Variants in DLC1 observed in about 807,000 individuals in gnomAD.
DLC1 encodes the protein DLC1 Rho GTPase activating protein.
Under a neutral mutation model 140.3 loss-of-function variants are expected in DLC1, and 54 were observed. The ratio of observed to expected loss-of-function variants is 0.38; its 90% CI spans 0.31 to 0.48. DLC1 has a LOEUF of 0.48. Ranked by LOEUF, DLC1 falls within the 20% of genes least tolerant of loss-of-function variation. DLC1 has a pLI of 0.96. For missense variants in DLC1, 2,536 were observed against 1,907.0 expected, an observed-to-expected ratio of 1.33 and a Z score of -6.14; for synonymous variants, 986 against 728.1, an observed-to-expected ratio of 1.35 and a Z score of -5.70.
chr8:13,460,638 C>A (rs556881346), intron 2 of DLC1, among the ~76,000 whole-genome samples: 70 of 152,270 alleles, frequency 4.6e-4, no homozygotes, highest in Non-Finnish European at 8.8e-4. Context: ...AGGAGATACT[C>A]TGGGGGGAAA....
chr8:13,437,784 C>G (rs1230412014), intron 2 of DLC1, among the ~76,000 whole-genome samples: 2 of 152,102 alleles, frequency 1.3e-5, no homozygotes, highest in African/African-American at 4.8e-5. Flanking sequence ...CAAACACCAT[C>G]AGGTCATAAA....
intron 1 of DLC1, among the ~76,000 whole-genome samples, chr8:13,597,810 A>G (rs1805732667): frequency 6.6e-6 from 1 of 152,140 alleles, no homozygotes; most frequent in Admixed American, 6.6e-5. Flanking sequence ...AGGACTGAGT[A>G]ACAAACAAAC....
intron 5 of DLC1, among the ~76,000 whole-genome samples, chr8:13,252,176 T>C (rs921646860): frequency 6.6e-6 from 1 of 152,178 alleles, no homozygotes; most frequent in Non-Finnish European, 1.5e-5. Context: ...AAGTCCTTGA[T>C]TAAAAGTCCC....
chr8:13,230,518 G>A (rs1405799695), intron 5 of DLC1, among the ~76,000 whole-genome samples: 2 of 152,122 alleles, frequency 1.3e-5, no homozygotes, highest in Non-Finnish European at 2.9e-5. Context: ...GCATTTAGGG[G>A]AGAGAGGCTG....
intron 1 of DLC1, among the ~76,000 whole-genome samples, chr8:13,598,609 T>A (rs969280184): frequency 6.6e-6 from 1 of 152,246 alleles, no homozygotes; most frequent in South Asian, 2.1e-4. Flanking sequence ...TTTATTTCAA[T>A]CCATAAGCTG....
At chr8:13,397,708 C>T (rs1056360629) in intron 3 of DLC1, among the ~76,000 whole-genome samples, 1 of 151,456 alleles carries the variant, frequency 6.6e-6, no homozygotes. Context: ...TGGTAATGTG[C>T]GCTTGTATTC....
chr8:13,504,350 C>G (rs13258917), intron 1 of DLC1, among the ~76,000 whole-genome samples: 71,763 of 152,052 alleles, frequency 0.47, 18,026 homozygotes, highest in Non-Finnish European at 0.57. Flanking sequence ...ATCTCAAACT[C>G]CTGACCTCAG....
At chr8:13,521,461 G>GCTT (rs1563418024) in intron 1 of DLC1, among the ~76,000 whole-genome samples, 2 of 151,778 alleles carry the variant, frequency 1.3e-5, no homozygotes, top group Admixed American at 6.6e-5. Flanking sequence ...ACAGTCTTCA[G>GCTT]CTTCTCTTAT....
rs529668606 is a variant in DLC1 at position 13,590,873 on chromosome 8, A to G, written c.-126+13664T>C. 3.3e-5 allele frequency among the ~76,000 whole-genome samples: 5 copies of G among 152,268 alleles called. No homozygotes were observed. The East Asian group carries it at 7.7e-4, about 24-fold the overall frequency. On this transcript the variant is annotated intron_variant, in intron 1 of 1. Transcript: ENST00000631382. ...TTACAACTTAAGCACAAATACAAAT[A>G]TGTTTACCTTTCTTTTTCTAAAAGC...
At chr8:13,170,965 G>T (rs1825435583) in intron 5 of DLC1, among the ~76,000 whole-genome samples, 1 of 152,192 alleles carries the variant, frequency 6.6e-6, no homozygotes, top group African/African-American at 2.4e-5. Flanking sequence ...CTTTGCGACT[G>T]AGGGTCACCA....
intron 5 of DLC1, among the ~76,000 whole-genome samples, chr8:13,222,788 G>A (rs191006321): frequency 1.1e-4 from 16 of 152,256 alleles, no homozygotes; most frequent in Admixed American, 2.0e-4. Flanking sequence ...CTGTCACCCA[G>A]GGTGGAGTGC....
At chr8:13,292,168 C>A (rs182264553) in intron 5 of DLC1, among the ~76,000 whole-genome samples, 32 of 152,024 alleles carry the variant, frequency 2.1e-4, no homozygotes, top group Admixed American at 2.0e-3. Flanking sequence ...TGTTGGAATG[C>A]CTGAAGGAGT....
intron 1 of DLC1, among the ~76,000 whole-genome samples, chr8:13,541,396 A>C (rs1803479725): frequency 6.6e-6 from 1 of 152,196 alleles, no homozygotes; most frequent in Non-Finnish European, 1.5e-5. Flanking sequence ...ATGTGGCTGA[A>C]CTATTTTTCA....
Position 13,567,260 on chromosome 8 carries a change from A to G in DLC1, c.-126+37277T>C, listed in dbSNP as rs549696960. On this transcript the variant is annotated intron_variant, in intron 1 of 1. Transcript: ENST00000631382. ...AAGTTGAGTAAAAAATGGATCAACT[A>G]CCTCAAGCTCAAAGACTCTAACTTT... 5.8e-6 allele frequency: 9 copies of G among 1,551,774 alleles called. No individual in the cohort carries two copies. The African/African-American group carries it at 1.1e-4, about 19-fold the overall frequency.
chr8:13,293,800 A>T (rs111833416), intron 5 of DLC1, among the ~76,000 whole-genome samples: 12,857 of 151,922 alleles, frequency 0.085, 583 homozygotes, highest in South Asian at 0.17. Context: ...TTAAAAGAGA[A>T]ATTGTCATCT....
chr8:13,577,431 G>C (rs1199374191), intron 1 of DLC1, among the ~76,000 whole-genome samples: 2 of 152,100 alleles, frequency 1.3e-5, no homozygotes, highest in African/African-American at 2.4e-5. Flanking sequence ...TTTTGCAGTG[G>C]TTATGGTGAG....
At chr8:13,116,487 C>G (rs1373840368) in intron 5 of DLC1, among the ~76,000 whole-genome samples, 1 of 152,180 alleles carries the variant, frequency 6.6e-6, no homozygotes. Context: ...TCCCACCTTC[C>G]TCAGGCCATG....
chr8:13,239,824 A>G (rs78392303), intron 5 of DLC1, among the ~76,000 whole-genome samples: 108 of 152,294 alleles, frequency 7.1e-4, no homozygotes, highest in African/African-American at 2.5e-3. Flanking sequence ...CCCAGATAGA[A>G]ATGCACTCCT....
intron 1 of DLC1, among the ~76,000 whole-genome samples, chr8:13,532,228 C>G (rs1803122623): frequency 6.6e-6 from 1 of 152,096 alleles, no homozygotes; most frequent in Non-Finnish European, 1.5e-5. Context: ...TGTGACCATA[C>G]CACTGCACTC....
Sources: allele counts gnomAD v4.1 joint callset (sites outside exome capture counted in the v4.1 genomes callset), GRCh38; gene constraint gnomAD v4.1.1; transcripts MANE v1.5; gene names NCBI Gene and HGNC (gene_info 2026-07-23, HGNC 2026-07-21).